Variants in FOXD2 observed in about 807,000 individuals in gnomAD.
FOXD2 encodes forkhead box D2, also known as forkhead box protein D2.
FOXD2 carries 4 observed loss-of-function variants against 6.4 expected under a neutral mutation model. The observed-to-expected ratio is 0.62, with a 90% CI of 0.31 to 1.42. The LOEUF is 1.42. Ranked by LOEUF, FOXD2 falls within the 40% of genes most tolerant of loss-of-function variation. FOXD2 has a pLI of 0.08. For synonymous variants in FOXD2, 393 were observed against 373.6 expected, an observed-to-expected ratio of 1.05 and a Z score of -0.60; for missense variants, 709 against 766.8, an observed-to-expected ratio of 0.92 and a Z score of 0.89.
Position 47,438,507 on chromosome 1 carries a change from G to C in FOXD2, c.372G>C (p.Pro124=). 7 of 1,596,270 alleles carry C rather than the reference G, an allele frequency of 4.4e-6. No homozygotes were observed. The highest frequency in any genetic ancestry group is 6.0e-6 in the Non-Finnish European group (7 of 1,172,270). The change falls in exon 1 of 1, where the codon CCG becomes CCC. Residue 124 remains proline, a synonymous_variant. Coordinates refer to ENST00000334793, the MANE Select transcript of FOXD2 (RefSeq NM_004474.4). The part of the protein sequence containing the change: ...PPSGGAATRS[P]LVKPPYSYIA... ...CGGGGGGCGCGGCGACGCGGAGCCC[G>C]CTGGTGAAGCCGCCCTACTCGTACA... is the stretch of plus-strand genomic sequence containing the variant.
Position 47,438,202 on chromosome 1 carries a change from G to A in FOXD2, c.67G>A (p.Ala23Thr). The change falls in exon 1 of 1, where the codon GCC becomes ACC. Residue 23 changes from alanine (A) to threonine (T), a missense_variant. Ala to Thr is a moderately conservative substitution (Grantham distance 58). Coordinates refer to ENST00000334793, the MANE Select transcript of FOXD2 (RefSeq NM_004474.4). ...GAGCTCCCCGGCCGCGCTGTCCGAG[G>A]CCGACGCAGACATAGACGTGGTGGG... ...SESSPAALSE[A>T]DADIDVVGGG... 6.9e-7 allele frequency: 1 copy of A among 1,459,080 alleles called. No individual in the cohort carries two copies. Among genetic ancestry groups the A allele is most frequent in the Non-Finnish European group, 9.0e-7 (1 of 1,110,508 alleles). The allele number at this position is 1,459,080 out of a possible 1,614,324, so 90.4% of individuals were successfully genotyped here.
chr1:47,438,291 C>G lies in FOXD2; in HGVS notation c.156C>G (p.Leu52=), dbSNP rs1407964648. ...GGCCCCGCGCCCCCCGGGACGTGCT[C>G]CCCCACGGCCACGAGCCTCCCGCGG... ...RSGPRAPRDV[L]PHGHEPPAEE... is the part of the protein sequence containing the mutation. The change falls in exon 1 of 1, where the codon CTC becomes CTG. Residue 52 remains leucine, a synonymous_variant. Transcript: ENST00000334793. The G allele has an allele frequency of 6.0e-6, 8 of 1,327,920 alleles. No homozygotes were observed. Among genetic ancestry groups the G allele is most frequent in the Non-Finnish European group, 7.7e-6 (8 of 1,040,808 alleles). The allele number at this position is 1,327,920 out of a possible 1,614,324, so 82.3% of individuals were successfully genotyped here. A position where few individuals can be genotyped will look rare whatever the true frequency, so the allele number is the denominator to read the frequency against.
Position 47,439,858 on chromosome 1 carries a change from T to G in FOXD2, c.*235T>G. 1.9e-6 allele frequency: 1 copy of G among 516,568 alleles called. No homozygotes were observed. Among genetic ancestry groups the G allele is most frequent in the South Asian group, 3.0e-5 (1 of 33,084 alleles). The allele number at this position is 516,568 out of a possible 1,614,324, so 32.0% of individuals were successfully genotyped here. A position where few individuals can be genotyped will look rare whatever the true frequency, so the allele number is the denominator to read the frequency against. ...ACGCGAAGAAGTCGCAGGCCAAGAT[T>G]CTTTACAGTTTGAGAAATAAAAGCA... On this transcript the variant is annotated 3_prime_UTR_variant, in exon 1 of 1. Transcript: ENST00000334793.
chr1:47,439,907 T>C lies in FOXD2; in HGVS notation c.*284T>C, dbSNP rs1475067193. On this transcript the variant is annotated 3_prime_UTR_variant, in exon 1 of 1. Coordinates refer to ENST00000334793, the MANE Select transcript of FOXD2 (RefSeq NM_004474.4). ...CAGGGGGGTGGGGGCTTCGTTTTTTTCCCTGCCTCTGCGCCTCTCGGGGAA... is the reference window on the plus strand; with the variant it reads ...CAGGGGGGTGGGGGCTTCGTTTTTTCCCCTGCCTCTGCGCCTCTCGGGGAA... 1 of 405,252 alleles carries C rather than the reference T, an allele frequency of 2.5e-6. No homozygotes were observed. Among genetic ancestry groups the C allele is most frequent in the Non-Finnish European group, 4.6e-6 (1 of 218,978 alleles). 25.1% of individuals were successfully genotyped at this position (405,252 alleles called of 1,614,324 possible). A position where few individuals can be genotyped will look rare whatever the true frequency, so the allele number is the denominator to read the frequency against.
At position 47,438,073 on chromosome 1, in the gene FOXD2, G is replaced by A. The variant is rs1044114874; in HGVS notation, c.-63G>A. 4.2e-5 allele frequency: 55 copies of A among 1,303,996 alleles called. No individual in the cohort carries two copies. The African/African-American group carries it at 5.0e-4, about 12-fold the overall frequency. 80.8% of individuals were successfully genotyped at this position (1,303,996 alleles called of 1,614,324 possible). A position where few individuals can be genotyped will look rare whatever the true frequency, so the allele number is the denominator to read the frequency against. Reference sequence around the variant, plus strand: ...AACGCACTCGCCCCAGAGGCAGCGCGGCCGAGCCCGAGCCGCTGCCGGAGC... The same window carrying A: ...AACGCACTCGCCCCAGAGGCAGCGCAGCCGAGCCCGAGCCGCTGCCGGAGC... On this transcript the variant is annotated 5_prime_UTR_variant, in exon 1 of 1. Transcript: ENST00000334793.
In FOXD2 at chr1:47,439,016, C is replaced by CACGG; in HGVS notation, c.881_882insACGG (p.Phe295ArgfsTer198). ...CCGCATCCGCACCCGCACCCGCACG[C>CACGG]CTTCGCTTTCGCCGCGGCAGCCGCC... On this transcript the variant is annotated frameshift_variant, in exon 1 of 1. Coordinates refer to ENST00000334793, the MANE Select transcript of FOXD2 (RefSeq NM_004474.4). LOFTEE classifies it high-confidence loss of function. The CACGG allele has an allele frequency of 4.8e-6, 7 of 1,446,358 alleles. No individual in the cohort carries two copies. Among genetic ancestry groups the CACGG allele is most frequent in the Non-Finnish European group, 5.4e-6 (6 of 1,104,784 alleles). 89.6% of individuals were successfully genotyped at this position (1,446,358 alleles called of 1,614,324 possible). A position where few individuals can be genotyped will look rare whatever the true frequency, so the allele number is the denominator to read the frequency against.
chr1:47,438,983 G>C lies in FOXD2; in HGVS notation c.848G>C (p.Gly283Ala), dbSNP rs1306062060. The C allele has an allele frequency of 4.3e-6, 6 of 1,406,840 alleles. No individual in the cohort carries two copies. The East Asian group carries it at 1.9e-4, about 45-fold the overall frequency. 87.1% of individuals were successfully genotyped at this position (1,406,840 alleles called of 1,614,324 possible). ...ALPAYGAPPP[G>A]PAPHPHPHPH... The stretch of plus-strand genomic sequence containing the variant: ...CCGGCCTACGGCGCACCCCCGCCGG[G>C]GCCGGCCCCGCATCCGCACCCGCAC... Residue 283 changes from glycine (G) to alanine (A), a missense_variant, in exon 1 of 1, where the codon GGG (glycine) becomes GCG (alanine). Gly to Ala is a moderately conservative substitution (Grantham distance 60). This residue lies in a region of FOXD2 where 98 missense variants were observed against 91.0 expected (regional missense o/e 1.08). Coordinates refer to ENST00000334793, the MANE Select transcript of FOXD2 (RefSeq NM_004474.4).
chr1:47,439,322 G>A lies in FOXD2; in HGVS notation c.1187G>A (p.Gly396Asp). The change falls in exon 1 of 1, where the codon GGC (glycine) becomes GAC (aspartate). Residue 396 changes from glycine to aspartate, a missense_variant. By Grantham distance (94) the Gly-to-Asp change is moderately conservative. Coordinates refer to ENST00000334793, the MANE Select transcript of FOXD2 (RefSeq NM_004474.4). ...CGCCAGGGCCTCAAGACGGACGCGG[G>A]CGGTGGTGCAGGCGGCGGGGGCGCC... ...LLRQGLKTDAGGGAGGGGAGA... is the reference protein window; with the variant it reads ...LLRQGLKTDADGGAGGGGAGA... The A allele has an allele frequency of 6.8e-7, 1 of 1,477,286 alleles. No homozygotes were observed. The highest frequency in any genetic ancestry group is 8.9e-7 in the Non-Finnish European group (1 of 1,127,144). The allele number at this position is 1,477,286 out of a possible 1,614,324, so 91.5% of individuals were successfully genotyped here. A position where few individuals can be genotyped will look rare whatever the true frequency, so the allele number is the denominator to read the frequency against.
chr1:47,439,373 C>A lies in FOXD2; in HGVS notation c.1238C>A (p.Ser413Tyr). ...GGGGCAGGGCAGAGGCCTTCCTTCTCTATAGACCACATCATGGGCCACGGT... is the reference window on the plus strand; with the variant it reads ...GGGGCAGGGCAGAGGCCTTCCTTCTATATAGACCACATCATGGGCCACGGT... ...GAGAGQRPSF[S>Y]IDHIMGHGGG... Residue 413 changes from serine (S) to tyrosine (Y), a missense_variant, in exon 1 of 1, where the codon TCT (serine) becomes TAT (tyrosine). Coordinates refer to ENST00000334793, the MANE Select transcript of FOXD2 (RefSeq NM_004474.4). 1 of 1,544,346 alleles carries A rather than the reference C, an allele frequency of 6.5e-7. No homozygotes were observed. Among genetic ancestry groups the A allele is most frequent in the East Asian group, 2.3e-5 (1 of 42,898 alleles).
chr1:47,438,287 TGCTCCCCCACGGCCACGA>T lies in FOXD2; in HGVS notation c.155_172del (p.Leu52_Glu57del), dbSNP rs1383178215. ...TCCGGGCCCCGCGCCCCCCGGGACG[TGCTCCCCCACGGCCACGA>T]GCCTCCCGCGGAGGAAGCCGAGGCA... On this transcript the variant is annotated inframe_deletion, in exon 1 of 1. Coordinates refer to ENST00000334793, the MANE Select transcript of FOXD2 (RefSeq NM_004474.4). 7.5e-7 allele frequency: 1 copy of T among 1,337,892 alleles called. No individual in the cohort carries two copies. Among genetic ancestry groups the T allele is most frequent in the East Asian group, 3.1e-5 (1 of 32,220 alleles). 82.9% of individuals were successfully genotyped at this position (1,337,892 alleles called of 1,614,324 possible).
rs1335922879 is a variant in FOXD2, at chr1:47,438,280, C to T, written c.145C>T (p.Arg49Trp). The T allele has an allele frequency of 5.2e-6, 7 of 1,344,998 alleles. No homozygotes were observed. The East Asian group carries it at 2.2e-4, about 42-fold the overall frequency. 83.3% of individuals were successfully genotyped at this position (1,344,998 alleles called of 1,614,324 possible). The change falls in exon 1 of 1, where the codon CGG becomes TGG. Residue 49 changes from arginine (R) to tryptophan (W), a missense_variant. Coordinates refer to ENST00000334793, the MANE Select transcript of FOXD2 (RefSeq NM_004474.4). ...LPARSGPRAP[R>W]DVLPHGHEPP... is the part of the protein sequence containing the mutation. ...AGCTCGCTCCGGGCCCCGCGCCCCC[C>T]GGGACGTGCTCCCCCACGGCCACGA...
chr1:47,439,313 C>T lies in FOXD2; in HGVS notation c.1178C>T (p.Thr393Met), dbSNP rs751025097. 2.0e-6 allele frequency: 3 copies of T among 1,476,412 alleles called. No homozygotes were observed. Among genetic ancestry groups the T allele is most frequent in the Admixed American group, 2.7e-5 (1 of 36,966 alleles). 91.5% of individuals were successfully genotyped at this position (1,476,412 alleles called of 1,614,324 possible). Residue 393 changes from threonine to methionine, a missense_variant, in exon 1 of 1, where the codon ACG (threonine) becomes ATG (methionine). Physicochemically the swap from Thr to Met is moderately conservative, Grantham distance 81 (BLOSUM62 -1). Coordinates refer to ENST00000334793, the MANE Select transcript of FOXD2 (RefSeq NM_004474.4). ...PTALLRQGLK[T>M]DAGGGAGGGG... ...GCACTTCTGCGCCAGGGCCTCAAGA[C>T]GGACGCGGGCGGTGGTGCAGGCGGC... is the stretch of plus-strand genomic sequence containing the variant.
rs1022868233 is a variant in FOXD2, at chr1:47,438,094, G to A, written c.-42G>A. ...GCGCGGCCGAGCCCGAGCCGCTGCC[G>A]GAGCGGAGCCGGAGAGTGGCGGCGG... is the stretch of plus-strand genomic sequence containing the variant. On this transcript the variant is annotated 5_prime_UTR_variant, in exon 1 of 1. Transcript: ENST00000334793. 373 of 1,337,602 alleles carry A rather than the reference G, an allele frequency of 2.8e-4. No homozygotes were observed. Among genetic ancestry groups the A allele is most frequent in the Non-Finnish European group, 3.4e-4 (357 of 1,049,946 alleles). 82.9% of individuals were successfully genotyped at this position (1,337,602 alleles called of 1,614,324 possible).
At position 47,439,439 on chromosome 1, in the gene FOXD2, C is replaced by A; in HGVS notation, c.1304C>A (p.Pro435Gln). ...AAPPGAGEGS[P>Q]GPPFAAAAGP... is the part of the protein sequence containing the mutation. Reference sequence around the variant, plus strand: ...CCCCCGGGCGCCGGCGAGGGCTCTCCGGGACCGCCATTCGCGGCAGCCGCG... The same window carrying A: ...CCCCCGGGCGCCGGCGAGGGCTCTCAGGGACCGCCATTCGCGGCAGCCGCG... The change falls in exon 1 of 1, where the codon CCG (proline) becomes CAG (glutamine). Residue 435 changes from proline to glutamine, a missense_variant. By Grantham distance (76) the Pro-to-Gln change is moderately conservative (BLOSUM62 -1). Coordinates refer to ENST00000334793, the MANE Select transcript of FOXD2 (RefSeq NM_004474.4). 1 of 1,541,946 alleles carries A rather than the reference C, an allele frequency of 6.5e-7. No homozygotes were observed. Among genetic ancestry groups the A allele is most frequent in the Non-Finnish European group, 8.7e-7 (1 of 1,149,114 alleles).
rs1430460066 is a variant in FOXD2 at position 47,438,099 on chromosome 1, G to C, written c.-37G>C. 2 of 1,347,168 alleles carry C rather than the reference G, an allele frequency of 1.5e-6. No homozygotes were observed. The highest frequency in any genetic ancestry group is 6.2e-5 in the East Asian group (2 of 32,410). The allele number at this position is 1,347,168 out of a possible 1,614,324, so 83.5% of individuals were successfully genotyped here. A position where few individuals can be genotyped will look rare whatever the true frequency, so the allele number is the denominator to read the frequency against. On this transcript the variant is annotated 5_prime_UTR_variant, in exon 1 of 1. Coordinates refer to ENST00000334793, the MANE Select transcript of FOXD2 (RefSeq NM_004474.4). The stretch of plus-strand genomic sequence containing the variant: ...GCCGAGCCCGAGCCGCTGCCGGAGC[G>C]GAGCCGGAGAGTGGCGGCGGCGGCG...
chr1:47,438,975 C>G lies in FOXD2; in HGVS notation c.840C>G (p.Pro280=). The change falls in exon 1 of 1, where the codon CCC becomes CCG. Residue 280 remains proline (P), a synonymous_variant. Coordinates refer to ENST00000334793, the MANE Select transcript of FOXD2 (RefSeq NM_004474.4). The stretch of plus-strand genomic sequence containing the variant: ...TGGCTCTCCCGGCCTACGGCGCACC[C>G]CCGCCGGGGCCGGCCCCGCATCCGC... ...YGLALPAYGA[P]PPGPAPHPHP... 6.9e-7 allele frequency: 1 copy of G among 1,445,294 alleles called. No individual in the cohort carries two copies. The highest frequency in any genetic ancestry group is 9.0e-7 in the Non-Finnish European group (1 of 1,105,532). 89.5% of individuals were successfully genotyped at this position (1,445,294 alleles called of 1,614,324 possible). A position where few individuals can be genotyped will look rare whatever the true frequency, so the allele number is the denominator to read the frequency against.
chr1:47,438,708 G>T lies in FOXD2; in HGVS notation c.573G>T (p.Glu191Asp), dbSNP rs752839537. ...LNDCFVKIPREPGNPGKGNYW... is the reference protein window; with the variant it reads ...LNDCFVKIPRDPGNPGKGNYW... Reference sequence around the variant, plus strand: ...ACTGCTTCGTCAAGATCCCCCGCGAGCCGGGCAACCCGGGCAAGGGCAACT... The same window carrying T: ...ACTGCTTCGTCAAGATCCCCCGCGATCCGGGCAACCCGGGCAAGGGCAACT... Residue 191 changes from glutamate (E) to aspartate (D), a missense_variant, in exon 1 of 1, where the codon GAG (glutamate) becomes GAT (aspartate). This residue lies in a region of FOXD2 where 69 missense variants were observed against 145.6 expected (regional missense o/e 0.47). Transcript: ENST00000334793. 1 of 1,614,006 alleles carries T rather than the reference G, an allele frequency of 6.2e-7. No homozygotes were observed. The highest frequency in any genetic ancestry group is 1.7e-5 in the Admixed American group (1 of 60,030).
Position 47,439,404 on chromosome 1 carries a change from C to CG in FOXD2, c.1273dup (p.Ala425GlyfsTer67). On this transcript the variant is annotated frameshift_variant, in exon 1 of 1. Coordinates refer to ENST00000334793, the MANE Select transcript of FOXD2 (RefSeq NM_004474.4). LOFTEE classifies it high-confidence loss of function. ...ACCACATCATGGGCCACGGTGGCGG[C>CG]GGGGCAGCACCCCCGGGCGCCGGCG... 6.5e-7 allele frequency: 1 copy of CG among 1,541,960 alleles called. No individual in the cohort carries two copies. The highest frequency in any genetic ancestry group is 8.7e-7 in the Non-Finnish European group (1 of 1,153,610).
In FOXD2 at chr1:47,439,208, C is replaced by T. The variant is rs751077244; in HGVS notation, c.1073C>T (p.Ala358Val). Residue 358 changes from alanine (A) to valine (V), a missense_variant, in exon 1 of 1, where the codon GCG becomes GTG. Physicochemically the swap from Ala to Val is moderately conservative, Grantham distance 64. Coordinates refer to ENST00000334793, the MANE Select transcript of FOXD2 (RefSeq NM_004474.4). The part of the protein sequence containing the change: ...GPAGLPAFLG[A>V]ELGCAKAFYA... ...GCAGGCCTGCCCGCCTTCCTGGGCG[C>T]GGAGCTGGGCTGCGCCAAAGCCTTC... 1 of 1,447,662 alleles carries T rather than the reference C, an allele frequency of 6.9e-7. No homozygotes were observed. The highest frequency in any genetic ancestry group is 9.0e-7 in the Non-Finnish European group (1 of 1,113,002). 89.7% of individuals were successfully genotyped at this position (1,447,662 alleles called of 1,614,324 possible). A position where few individuals can be genotyped will look rare whatever the true frequency, so the allele number is the denominator to read the frequency against.
Sources: gnomAD v4.1 joint callset for allele counts on GRCh38, gnomAD v4.1.1 for gene constraint, gnomAD v4.1.1 regional missense constraint, MANE v1.5 for transcripts, NCBI Gene and HGNC (gene_info 2026-07-23, HGNC 2026-07-21) for gene names.